CARMIL2: variants seen among roughly 807,000 people sequenced by gnomAD.
CARMIL2 encodes the protein capping protein regulator and myosin 1 linker 2, also known as capping protein, Arp2/3 and myosin-I linker protein 2.
In CARMIL2, 96 loss-of-function variants were observed where a neutral mutation model predicts 173.3. That is an observed-to-expected ratio of 0.55 (90% CI 0.47 to 0.66). The LOEUF (loss-of-function observed/expected upper bound fraction) is 0.66, where lower values mean the gene tolerates loss of function less well. CARMIL2 is among the 30% of genes least tolerant of loss of function. The pLI, the probability that CARMIL2 is intolerant of heterozygous loss-of-function variation, is 0.00. For missense variants in CARMIL2, 1,771 were observed against 1,906.7 expected (o/e 0.93, Z 1.33); for synonymous variants, 830 against 817.1 (o/e 1.02, Z -0.27).
chr16:67,650,579 G>T, intron 22 of CARMIL2: 1 of 203,452 alleles, frequency 4.9e-6, no homozygotes, highest in Non-Finnish European at 1.0e-5. Flanking sequence ...TCTTTCCTAA[G>T]CTTCAGAGCC....
chr16:67,651,762 G>A lies in CARMIL2; in HGVS notation c.2505G>A (p.Gln835=). The stretch of plus-strand genomic sequence containing the variant: ...TGCAGGGATCCAGCTGGAGGGAGCA[G>A]CTAGAGGGGGTCCTGGCAGGCTCGA... ...QMLQGSSWRE[Q]LEGVLAGSRG... Residue 835 remains glutamine (Q), a synonymous_variant, in exon 25 of 38, where the codon CAG becomes CAA. Transcript: ENST00000334583. This position sits in a 1 kb window ranked among gnomAD's most constrained non-coding sequence, Gnocchi z 4.2. 6.2e-7 allele frequency: 1 copy of A among 1,606,268 alleles called. No individual in the cohort carries two copies. The highest frequency in any genetic ancestry group is 1.1e-5 in the South Asian group (1 of 90,272).
chr16:67,647,943 C>T lies in CARMIL2; in HGVS notation c.1056C>T (p.Ala352=), dbSNP rs1224941131. 1.9e-6 allele frequency: 3 copies of T among 1,608,768 alleles called. No homozygotes were observed. The highest frequency in any genetic ancestry group is 3.4e-5 in the Admixed American group (2 of 59,604). Residue 352 remains alanine, a synonymous_variant, in exon 13 of 38, where the codon GCC becomes GCT. Transcript: ENST00000334583. ...CTGGGAATCCTGGGGCGCTGGGGGC[C>T]TCCGAGGACAGTGGGGTGAGTGGCT... is the stretch of plus-strand genomic sequence containing the variant. ...DLSGNPGALG[A]SEDSGGLYSF...
intron 22 of CARMIL2, chr16:67,650,960 T>G: frequency 2.0e-6 from 1 of 512,170 alleles, no homozygotes; most frequent in Non-Finnish European, 3.5e-6. Flanking sequence ...GATTTACAAC[T>G]CCTTTCCTTC....
At position 67,652,786 on chromosome 16, in the gene CARMIL2, C is replaced by A. The variant is rs1345773649; in HGVS notation, c.2885-233C>A. On this transcript the variant is annotated intron_variant, in intron 28 of 37. Coordinates refer to ENST00000334583, the MANE Select transcript of CARMIL2 (RefSeq NM_001013838.3). The surrounding 1 kb of genome is among the most constrained non-coding windows in gnomAD (Gnocchi z 4.7). ...CGCCTCCCCGCGCCCCTTTCCCTAC[C>A]CCAGGGACGCGCATGCTGGGCGGCG... Among the ~76,000 whole-genome samples the A allele has an allele frequency of 1.3e-5, 2 of 151,880 alleles. No homozygotes were observed. Among genetic ancestry groups the A allele is most frequent in the Non-Finnish European group, 2.9e-5 (2 of 67,912 alleles).
At chr16:67,645,819 T>C in intron 3 of CARMIL2, 42 bp downstream of exon 3, 1 of 1,604,498 alleles carries the variant, frequency 6.2e-7, no homozygotes, top group Non-Finnish European at 8.5e-7. Flanking sequence ...CGCCAGCAGC[T>C]ACCTTGGCAG....
chr16:67,654,695 G>A lies in CARMIL2; in HGVS notation c.3582+3G>A. On this transcript the variant is annotated splice_donor_region_variant and intron_variant, in intron 31 of 37. Coordinates refer to ENST00000334583, the MANE Select transcript of CARMIL2 (RefSeq NM_001013838.3). ...CGCTGGGTGCCAGACCCGACAAGGT[G>A]AGGCTTGCTGATGGGGGGTGGTGAA... The A allele has an allele frequency of 6.3e-7, 1 of 1,597,034 alleles. No homozygotes were observed. Among genetic ancestry groups the A allele is most frequent in the African/African-American group, 1.3e-5 (1 of 74,628 alleles).
In CARMIL2 at chr16:67,645,710, CTG is replaced by C; in HGVS notation, c.133-12_133-11del. On this transcript the variant is annotated splice_polypyrimidine_tract_variant and intron_variant, in intron 2 of 37. Coordinates refer to ENST00000334583, the MANE Select transcript of CARMIL2 (RefSeq NM_001013838.3). ...CTCTTGCTCTGCCCAGGATATCAGA[CTG>C]TCTTTCCCCAGGCACTGCTACGATG... 1.2e-6 allele frequency: 2 copies of C among 1,613,556 alleles called. No homozygotes were observed. The highest frequency in any genetic ancestry group is 1.7e-6 in the Non-Finnish European group (2 of 1,179,868).
Position 67,647,949 on chromosome 16 carries a change from G to A in CARMIL2, c.1062G>A (p.Glu354=). 1.2e-6 allele frequency: 2 copies of A among 1,608,040 alleles called. No individual in the cohort carries two copies. Among genetic ancestry groups the A allele is most frequent in the Non-Finnish European group, 1.7e-6 (2 of 1,176,918 alleles). Reference sequence around the variant, plus strand: ...ATCCTGGGGCGCTGGGGGCCTCCGAGGACAGTGGGGTGAGTGGCTGTCTTC... The same window carrying A: ...ATCCTGGGGCGCTGGGGGCCTCCGAAGACAGTGGGGTGAGTGGCTGTCTTC... ...SGNPGALGAS[E]DSGGLYSFLS... Residue 354 remains glutamate (E), a synonymous_variant, in exon 13 of 38, where the codon GAG becomes GAA. Transcript: ENST00000334583.
chr16:67,656,755 G>A (rs1257723228), intron 35 of CARMIL2, 46 bp from the exon 36 acceptor site: 2 of 1,552,942 alleles, frequency 1.3e-6, no homozygotes, highest in Non-Finnish European at 1.7e-6. Flanking sequence ...AAGGGCTGGA[G>A]TGGGGGCAGC....
In CARMIL2 at chr16:67,648,487, C is replaced by T; in HGVS notation, c.1424C>T (p.Pro475Leu). The T allele has an allele frequency of 7.0e-7, 1 of 1,435,158 alleles. No individual in the cohort carries two copies. Among genetic ancestry groups the T allele is most frequent in the Non-Finnish European group, 9.1e-7 (1 of 1,101,694 alleles). 88.9% of individuals were successfully genotyped at this position (1,435,158 alleles called of 1,614,324 possible). ...RHLGLAGCKL[P>L]PDALRALLDG... ...CTGGGCCTGGCGGGCTGCAAGCTGC[C>T]GCCCGACGCGCTCAGGTCAGTGTCG... The change falls in exon 15 of 38, where the codon CCG becomes CTG. Residue 475 changes from proline (P) to leucine (L), a missense_variant. Physicochemically the swap from Pro to Leu is moderately conservative, Grantham distance 98. Around this residue, in one of 3 missense-constraint regions of CARMIL2, gnomAD observed 944 missense variants for 975.6 expected, o/e 0.97. Coordinates refer to ENST00000334583, the MANE Select transcript of CARMIL2 (RefSeq NM_001013838.3). This position sits in a 1 kb window ranked among gnomAD's most constrained non-coding sequence, Gnocchi z 6.1.
rs944112549 is a variant in CARMIL2, at chr16:67,654,363, G to C, written c.3253G>C (p.Gly1085Arg). 1 of 1,602,532 alleles carries C rather than the reference G, an allele frequency of 6.2e-7. No individual in the cohort carries two copies. The highest frequency in any genetic ancestry group is 1.3e-5 in the African/African-American group (1 of 74,692). The change falls in exon 31 of 38, where the codon GGG becomes CGG. Residue 1085 changes from glycine to arginine, a missense_variant. Around this residue, in one of 3 missense-constraint regions of CARMIL2, gnomAD observed 817 missense variants for 903.5 expected, o/e 0.90. Transcript: ENST00000334583. Reference sequence around the variant, plus strand: ...CCCCGAGGAGGACCCGGCCACTGAGGGGGGCGCCACTCCTGTCCCCCGTAC... The same window carrying C: ...CCCCGAGGAGGACCCGGCCACTGAGCGGGGCGCCACTCCTGTCCCCCGTAC... ...WAPEEDPATE[G>R]GATPVPRTLR...
Position 67,651,170 on chromosome 16 carries a change from TC to T in CARMIL2, c.2185-13del, listed in dbSNP as rs2052714365. The stretch of plus-strand genomic sequence containing the variant: ...TGGGAGGGGGCTAGGCTGAGACTGA[TC>T]CCCATTTCGCCCCAGGAAGTGAATG... On this transcript the variant is annotated splice_polypyrimidine_tract_variant and intron_variant, in intron 22 of 37. Transcript: ENST00000334583. The surrounding 1 kb of genome is among the most constrained non-coding windows in gnomAD (Gnocchi z 4.2). 6.2e-7 allele frequency: 1 copy of T among 1,610,508 alleles called. No individual in the cohort carries two copies. The highest frequency in any genetic ancestry group is 1.1e-5 in the South Asian group (1 of 90,498).
chr16:67,647,411 G>A, intron 10 of CARMIL2, 24 bp downstream of exon 10: 1 of 1,564,772 alleles, frequency 6.4e-7, no homozygotes, highest in Non-Finnish European at 8.7e-7. Context: ...GGCAGGGCTT[G>A]GAGAGGAGAG....
chr16:67,648,546 C>A lies in CARMIL2; in HGVS notation c.1439+44C>A. On this transcript the variant is annotated intron_variant, in intron 15 of 37. Coordinates refer to ENST00000334583, the MANE Select transcript of CARMIL2 (RefSeq NM_001013838.3). The surrounding 1 kb of genome is among the most constrained non-coding windows in gnomAD (Gnocchi z 6.1). ...CCACGCCCCCGCGGGCGCTCCCACCCTGCCCTGGCCTTCGCCCCTCCCCGC... is the reference window on the plus strand; with the variant it reads ...CCACGCCCCCGCGGGCGCTCCCACCATGCCCTGGCCTTCGCCCCTCCCCGC... The A allele has an allele frequency of 6.9e-7, 1 of 1,459,836 alleles. No homozygotes were observed. The highest frequency in any genetic ancestry group is 9.2e-7 in the Non-Finnish European group (1 of 1,086,474). 90.4% of individuals were successfully genotyped at this position (1,459,836 alleles called of 1,614,324 possible).
rs1247952465 is a variant in CARMIL2, at chr16:67,646,441, G to T, written c.390G>T (p.Arg130Ser). ...CCCCTACCAGGAAGCTATTCCGGAG[G>T]CCCACACCAGCCTCCATGCTGGCTC... ...PRSTLGKLFRRPTPASMLARL... is the reference protein window; with the variant it reads ...PRSTLGKLFRSPTPASMLARL... The change falls in exon 6 of 38, where the codon AGG becomes AGT. Residue 130 changes from arginine (R) to serine (S), a missense_variant. Coordinates refer to ENST00000334583, the MANE Select transcript of CARMIL2 (RefSeq NM_001013838.3). The surrounding 1 kb of genome is among the most constrained non-coding windows in gnomAD (Gnocchi z 4.6). The T allele has an allele frequency of 6.2e-7, 1 of 1,613,546 alleles. No homozygotes were observed. Among genetic ancestry groups the T allele is most frequent in the Non-Finnish European group, 8.5e-7 (1 of 1,179,850 alleles).
In CARMIL2 at chr16:67,649,679, C is replaced by G. The variant is rs751249378; in HGVS notation, c.1919+60C>G. On this transcript the variant is annotated intron_variant, in intron 20 of 37. Transcript: ENST00000334583. This position sits in a 1 kb window ranked among gnomAD's most constrained non-coding sequence, Gnocchi z 6.7. ...GGGGGCGCGGTGGAGAGGAGGGCAC[C>G]GGGCTAAGGGGAGGGACTGAATGAG... The G allele has an allele frequency of 1.4e-5, 21 of 1,555,442 alleles. No homozygotes were observed. Among genetic ancestry groups the G allele is most frequent in the Non-Finnish European group, 1.6e-5 (19 of 1,153,166 alleles).
chr16:67,645,319 G>C (rs770933018), intron 1 of CARMIL2, 33 bp downstream of exon 1: 2 of 1,585,780 alleles, frequency 1.3e-6, no homozygotes, highest in South Asian at 2.3e-5. Context: ...TTCTTGGCCG[G>C]GAGGAAGTAG....
Position 67,648,478 on chromosome 16 carries a change from G to A in CARMIL2, c.1415G>A (p.Cys472Tyr). 1 of 1,435,660 alleles carries A rather than the reference G, an allele frequency of 7.0e-7. No individual in the cohort carries two copies. Among genetic ancestry groups the A allele is most frequent in the Non-Finnish European group, 9.1e-7 (1 of 1,102,864 alleles). 88.9% of individuals were successfully genotyped at this position (1,435,660 alleles called of 1,614,324 possible). ...RTLRHLGLAG[C>Y]KLPPDALRAL... ...CTGCGGCACCTGGGCCTGGCGGGCT[G>A]CAAGCTGCCGCCCGACGCGCTCAGG... Residue 472 changes from cysteine (C) to tyrosine (Y), a missense_variant, in exon 15 of 38, where the codon TGC (cysteine) becomes TAC (tyrosine). Cys to Tyr is a radical substitution (Grantham distance 194). Coordinates refer to ENST00000334583, the MANE Select transcript of CARMIL2 (RefSeq NM_001013838.3). This position sits in a 1 kb window ranked among gnomAD's most constrained non-coding sequence, Gnocchi z 6.1.
At position 67,648,174 on chromosome 16, in the gene CARMIL2, C is replaced by T. The variant is rs749378363; in HGVS notation, c.1194C>T (p.Asp398=). 3 of 1,576,694 alleles carry T rather than the reference C, an allele frequency of 1.9e-6. No homozygotes were observed. Among genetic ancestry groups the T allele is most frequent in the East Asian group, 2.3e-5 (1 of 43,154 alleles). ...GGGGATGGATGACCGGCAGGGCGGA[C>T]TGGAGGGCGGGACGGGGAGGGCTCG... ...SVGGWMTGRA[D]WRAGRGGLGP... The change falls in exon 14 of 38, where the codon GAC becomes GAT. Residue 398 remains aspartate (D), a synonymous_variant. Transcript: ENST00000334583. The surrounding 1 kb of genome is among the most constrained non-coding windows in gnomAD (Gnocchi z 6.1).
Sources: allele counts gnomAD v4.1 joint callset (sites outside exome capture counted in the v4.1 genomes callset), GRCh38; gene constraint gnomAD v4.1.1; regional missense constraint gnomAD v4.1.1; non-coding constraint Gnocchi (gnomAD v3.1); transcripts MANE v1.5; gene names NCBI Gene and HGNC (gene_info 2026-07-23, HGNC 2026-07-21).